TMEM120B: variants seen among roughly 807,000 people sequenced by gnomAD.
TMEM120B encodes transmembrane protein 120B.
Under a neutral mutation model 55.5 loss-of-function variants are expected in TMEM120B, and 31 were observed. The ratio of observed to expected loss-of-function variants is 0.56; its 90% CI spans 0.42 to 0.75. TMEM120B has a LOEUF of 0.75. Ranked by LOEUF, TMEM120B falls within the 30% of genes least tolerant of loss-of-function variation. The probability of loss-of-function intolerance (pLI) is 0.00; values close to 1 mark genes in which losing one functional copy is unlikely to be tolerated. For synonymous variants in TMEM120B, 203 were observed against 176.3 expected, an observed-to-expected ratio of 1.15 and a Z score of -1.20; for missense variants, 399 against 425.5, an observed-to-expected ratio of 0.94 and a Z score of 0.55.
At chr12:121,716,821 A>T (rs1246481039) in intron 1 of TMEM120B, among the ~76,000 whole-genome samples, 1 of 152,016 alleles carries the variant, frequency 6.6e-6, no homozygotes, top group Non-Finnish European at 1.5e-5. Flanking sequence ...TTGGCCTCCC[A>T]AAGTGCTGGG....
intron 2 of TMEM120B, among the ~76,000 whole-genome samples, chr12:121,745,955 G>A (rs1048605600): frequency 2.6e-5 from 4 of 151,756 alleles, no homozygotes; most frequent in African/African-American, 4.8e-5. Flanking sequence ...CTGCCTCCCG[G>A]GTTCAAGTGA....
intron 3 of TMEM120B, among the ~76,000 whole-genome samples, chr12:121,749,267 A>C (rs948672478): frequency 6.6e-6 from 1 of 152,228 alleles, no homozygotes; most frequent in Non-Finnish European, 1.5e-5. Flanking sequence ...CAGAATGAGC[A>C]GCAGCCTAGC....
intron 1 of TMEM120B, among the ~76,000 whole-genome samples, chr12:121,730,271 A>C (rs1894974910): frequency 6.6e-6 from 1 of 151,320 alleles, no homozygotes; most frequent in African/African-American, 2.4e-5. Context: ...AAAAAAAAAA[A>C]AGAAGGAAAT....
Position 121,777,893 on chromosome 12 carries a change from C to T in TMEM120B, c.*2171C>T, listed in dbSNP as rs1236322902. ...GAACAAGAACTCCTTGGTTGATTCC[C>T]CAGGGTACGGCAGGGCCTTGGGAAC... On this transcript the variant is annotated 3_prime_UTR_variant, in exon 12 of 12. Transcript: ENST00000449592. 2.0e-5 allele frequency: 3 copies of T among 152,200 alleles called. No individual in the cohort carries two copies. Among genetic ancestry groups the T allele is most frequent in the Non-Finnish European group, 4.4e-5 (3 of 68,038 alleles). 9.4% of individuals were successfully genotyped at this position (152,200 alleles called of 1,614,324 possible).
In TMEM120B at chr12:121,780,739, G is replaced by T; in HGVS notation, c.*5017G>T. On this transcript the variant is annotated 3_prime_UTR_variant, in exon 12 of 12. Coordinates refer to ENST00000449592, the MANE Select transcript of TMEM120B (RefSeq NM_001080825.2). Reference sequence around the variant, plus strand: ...GGTCCACAGGCCATCAATACTAATAGTTAAAAATTATTCTTAGAATCTTGC... The same window carrying T: ...GGTCCACAGGCCATCAATACTAATATTTAAAAATTATTCTTAGAATCTTGC... 1 of 1,067,382 alleles carries T rather than the reference G, an allele frequency of 9.4e-7. No homozygotes were observed. Among genetic ancestry groups the T allele is most frequent in the Non-Finnish European group, 1.3e-6 (1 of 758,966 alleles). 66.1% of individuals were successfully genotyped at this position (1,067,382 alleles called of 1,614,324 possible).
chr12:121,724,687 T>A (rs952650194), intron 1 of TMEM120B, among the ~76,000 whole-genome samples: 1 of 151,838 alleles, frequency 6.6e-6, no homozygotes, highest in Non-Finnish European at 1.5e-5. Flanking sequence ...CTCGACTCAT[T>A]GCAAGCTCTG....
intron 6 of TMEM120B, among the ~76,000 whole-genome samples, chr12:121,770,290 T>G (rs1873996127): frequency 6.6e-6 from 1 of 152,092 alleles, no homozygotes; most frequent in Non-Finnish European, 1.5e-5. Context: ...ACAGCCCTGG[T>G]GTCTCTCCCC....
At chr12:121,762,060 A>AG (rs1555332369) in intron 6 of TMEM120B, among the ~76,000 whole-genome samples, 1 of 152,084 alleles carries the variant, frequency 6.6e-6, no homozygotes, top group African/African-American at 2.4e-5. Context: ...TGGGAGGCCG[A>AG]GGGGGGCAGA....
At chr12:121,749,219 C>T (rs531683649) in intron 3 of TMEM120B, among the ~76,000 whole-genome samples, 30 of 152,232 alleles carry the variant, frequency 2.0e-4, no homozygotes, top group Middle Eastern at 3.4e-3. Context: ...TGACTGTGTT[C>T]GAATAGACCC....
intron 1 of TMEM120B, among the ~76,000 whole-genome samples, chr12:121,718,460 C>T (rs1033021650): frequency 6.6e-6 from 1 of 152,120 alleles, no homozygotes; most frequent in Non-Finnish European, 1.5e-5. Flanking sequence ...GAGCCAAGAT[C>T]GTGCCAGGGT....
intron 6 of TMEM120B, among the ~76,000 whole-genome samples, chr12:121,765,389 T>C (rs79376376): frequency 0.1 from 15,272 of 152,174 alleles, 1,303 homozygotes; most frequent in African/African-American, 0.23. Flanking sequence ...CTCGGCCTTC[T>C]GAAGTGCTGG....
At chr12:121,748,821 C>G (rs775512768) in intron 3 of TMEM120B, among the ~76,000 whole-genome samples, 2 of 152,182 alleles carry the variant, frequency 1.3e-5, no homozygotes, top group Non-Finnish European at 2.9e-5. Flanking sequence ...ACAATCTGTG[C>G]GTCAGACCAA....
At chr12:121,774,759 G>A in intron 10 of TMEM120B, 37 bp downstream of exon 10, 1 of 1,607,554 alleles carries the variant, frequency 6.2e-7, no homozygotes, top group Non-Finnish European at 8.5e-7. Context: ...TCTCCTGTCT[G>A]GGCTGACCCC....
intron 5 of TMEM120B, among the ~76,000 whole-genome samples, chr12:121,757,394 T>G (rs1426785289): frequency 1.3e-5 from 2 of 152,178 alleles, no homozygotes; most frequent in African/African-American, 4.8e-5. Flanking sequence ...GAGGCTGGAG[T>G]GCAGTGGCGC....
At chr12:121,769,564 C>T (rs950033566) in intron 6 of TMEM120B, among the ~76,000 whole-genome samples, 6 of 152,006 alleles carry the variant, frequency 3.9e-5, no homozygotes, top group Non-Finnish European at 7.4e-5. Flanking sequence ...TTTAGCTGGG[C>T]GTGGTGGCGC....
At chr12:121,771,395 TTC>T (rs1404059318) in intron 7 of TMEM120B, 91 bp from the exon 8 acceptor site, 4 of 1,131,200 alleles carry the variant, frequency 3.5e-6, no homozygotes, top group Non-Finnish European at 5.4e-6. Flanking sequence ...TATACACCTT[TTC>T]GCCTCTTCTG....
intron 1 of TMEM120B, 114 bp downstream of exon 1, chr12:121,713,078 G>A (rs1478806013): frequency 2.4e-6 from 2 of 839,604 alleles, no homozygotes; most frequent in Non-Finnish European, 3.5e-6. Flanking sequence ...GAGTGCCCCG[G>A]AGAGGCCCTG....
At chr12:121,740,344 C>T (rs58684387) in intron 1 of TMEM120B, among the ~76,000 whole-genome samples, 23,842 of 151,330 alleles carry the variant, frequency 0.16, 1,995 homozygotes, top group South Asian at 0.17. Flanking sequence ...ATTAGCCAGG[C>T]GTGGTGGTGC....
intron 2 of TMEM120B, among the ~76,000 whole-genome samples, chr12:121,747,168 G>A (rs1286300305): frequency 6.6e-6 from 1 of 152,112 alleles, no homozygotes; most frequent in Non-Finnish European, 1.5e-5. Flanking sequence ...AGGACTTTCT[G>A]AAAGTCACAA....
Sources: allele counts gnomAD v4.1 joint callset (sites outside exome capture counted in the v4.1 genomes callset), GRCh38; gene constraint gnomAD v4.1.1; transcripts MANE v1.5; gene names NCBI Gene and HGNC (gene_info 2026-07-23, HGNC 2026-07-21).